Variants in AMN1 observed in about 807,000 individuals in gnomAD.
AMN1 encodes antagonist of mitotic exit network 1 homolog, also known as protein AMN1 homolog.
Under a neutral mutation model 33.0 loss-of-function variants are expected in AMN1, and 20 were observed. The ratio of observed to expected loss-of-function variants is 0.61; its 90% CI spans 0.43 to 0.88. The LOEUF (loss-of-function observed/expected upper bound fraction) is 0.88. Ranked by LOEUF, AMN1 falls within the 40% of genes least tolerant of loss-of-function variation. The pLI is 0.00. For missense variants in AMN1, 246 were observed against 307.4 expected (o/e 0.80, Z 1.49); for synonymous variants, 114 against 111.9 (o/e 1.02, Z -0.12).
At chr12:31,697,556 C>A in intron 4 of AMN1, 139 bp from the exon 5 acceptor site, 1 of 1,025,174 alleles carries the variant, frequency 9.8e-7, no homozygotes, top group Non-Finnish European at 1.5e-6. Flanking sequence ...ATACCTTTCA[C>A]CCTTGCTACT....
rs1938294994 is a variant in AMN1, at chr12:31,687,031, C to T, written c.703+1976G>A. ...TTCTTTTTTCTTTTTCTTTTTTTGACACAGGGTCTCACTCTGTTACCCAGA... is the reference window on the plus strand; with the variant it reads ...TTCTTTTTTCTTTTTCTTTTTTTGATACAGGGTCTCACTCTGTTACCCAGA... On this transcript the variant is annotated intron_variant, in intron 6 of 6. Coordinates refer to ENST00000281471, the MANE Select transcript of AMN1 (RefSeq NM_001113402.2). The surrounding 1 kb of genome is among the most constrained non-coding windows in gnomAD (Gnocchi z 4.1). Among the ~76,000 whole-genome samples the T allele has an allele frequency of 6.6e-6, 1 of 151,496 alleles. No individual in the cohort carries two copies. The highest frequency in any genetic ancestry group is 1.5e-5 in the Non-Finnish European group (1 of 67,922).
chr12:31,690,068 G>A (rs1938436023), intron 5 of AMN1, among the ~76,000 whole-genome samples: 1 of 152,066 alleles, frequency 6.6e-6, no homozygotes, highest in Non-Finnish European at 1.5e-5. Flanking sequence ...TCCCATCCAG[G>A]TTGCTGTGAA....
At chr12:31,681,237 A>AT (rs986081575) in intron 6 of AMN1, among the ~76,000 whole-genome samples, 8 of 151,440 alleles carry the variant, frequency 5.3e-5, no homozygotes, top group African/African-American at 7.3e-5. Context: ...ATTTTTATTT[A>AT]TTTTTTTTGA....
chr12:31,681,687 T>C (rs758186278), intron 6 of AMN1, among the ~76,000 whole-genome samples: 2 of 152,206 alleles, frequency 1.3e-5, no homozygotes, highest in Non-Finnish European at 2.9e-5. Context: ...CTTAAGATTT[T>C]AGTTTTAGTC....
chr12:31,673,431 C>A, intron 6 of AMN1: 1 of 163,894 alleles, frequency 6.1e-6, no homozygotes, highest in Non-Finnish European at 1.3e-5. Context: ...AAAAAAGCAG[C>A]TAGTAAGATA....
intron 2 of AMN1, among the ~76,000 whole-genome samples, chr12:31,702,732 A>ATTTTT (rs1177719922): frequency 6.6e-6 from 1 of 151,936 alleles, no homozygotes; most frequent in Non-Finnish European, 1.5e-5. Flanking sequence ...ACATTATATT[A>ATTTTT]TTTTTTATTT....
chr12:31,713,894 T>C (rs1939568237), intron 1 of AMN1, among the ~76,000 whole-genome samples: 1 of 152,096 alleles, frequency 6.6e-6, no homozygotes, highest in Non-Finnish European at 1.5e-5. Context: ...GCCACTTTTA[T>C]ATACTCGACT....
chr12:31,725,060 G>A (rs754250544), intron 1 of AMN1, among the ~76,000 whole-genome samples: 8 of 152,154 alleles, frequency 5.3e-5, no homozygotes, highest in Non-Finnish European at 8.8e-5. Flanking sequence ...GGATATAAAC[G>A]CCACCAGTTT....
chr12:31,684,232 G>A (rs1370629843), intron 6 of AMN1, among the ~76,000 whole-genome samples: 2 of 152,066 alleles, frequency 1.3e-5, no homozygotes, highest in African/African-American at 2.4e-5. Flanking sequence ...TCATTGATAT[G>A]TTTTCAAGTT....
At chr12:31,729,029 C>T (rs1940199540), upstream of AMN1, 3 of 1,538,472 alleles carry the variant, frequency 1.9e-6, no homozygotes, top group South Asian at 1.2e-5. Context: ...TCTGAAGCCT[C>T]TTCCGCGGTC....
At chr12:31,696,937 T>A (rs1174693268) in intron 5 of AMN1, among the ~76,000 whole-genome samples, 1 of 151,400 alleles carries the variant, frequency 6.6e-6, no homozygotes. Flanking sequence ...AAAAAAAAAC[T>A]TTTTTAAATG....
chr12:31,697,226 GAGAT>G (rs1273915477), intron 5 of AMN1, 131 bp downstream of exon 5: 4 of 581,782 alleles, frequency 6.9e-6, no homozygotes, highest in Non-Finnish European at 1.1e-5. Context: ...TGGCAATAAA[GAGAT>G]AGAACACCCA....
At chr12:31,679,186 G>T (rs1937883331) in intron 6 of AMN1, among the ~76,000 whole-genome samples, 1 of 151,856 alleles carries the variant, frequency 6.6e-6, no homozygotes, top group East Asian at 1.9e-4. Context: ...ATACTGTTTT[G>T]GCTCTTTGTG....
chr12:31,673,293 A>G (rs1951320120), intron 6 of AMN1, among the ~76,000 whole-genome samples: 1 of 152,044 alleles, frequency 6.6e-6, no homozygotes, highest in Non-Finnish European at 1.5e-5. Context: ...ATATACAGTG[A>G]CAAAATTTTA....
intron 6 of AMN1, among the ~76,000 whole-genome samples, chr12:31,681,768 G>A (rs933174420): frequency 6.6e-6 from 1 of 151,912 alleles, no homozygotes; most frequent in Non-Finnish European, 1.5e-5. Context: ...CAAACCCCTG[G>A]GGCCTCAAGC....
Position 31,672,095 on chromosome 12 carries a change from T to C in AMN1, c.*209A>G. 6.4e-6 allele frequency: 3 copies of C among 468,378 alleles called. No homozygotes were observed. Among genetic ancestry groups the C allele is most frequent in the South Asian group, 7.2e-5 (2 of 27,652 alleles). The allele number at this position is 468,378 out of a possible 1,614,324, so 29.0% of individuals were successfully genotyped here. A position where few individuals can be genotyped will look rare whatever the true frequency, so the allele number is the denominator to read the frequency against. ...AAAATAATGACTCATCCAACAGATA[T>C]AGAATAATAGCACTTTAAAGATGTT... On this transcript the variant is annotated 3_prime_UTR_variant, in exon 7 of 7. Transcript: ENST00000281471.
chr12:31,697,661 TATG>T, intron 4 of AMN1, 76 bp downstream of exon 4: 1 of 1,449,084 alleles, frequency 6.9e-7, no homozygotes, highest in Non-Finnish European at 9.6e-7. Flanking sequence ...ATGAACTCCT[TATG>T]ATATGTTCTC....
At chr12:31,677,165 T>C (rs1937756337) in intron 6 of AMN1, among the ~76,000 whole-genome samples, 1 of 152,118 alleles carries the variant, frequency 6.6e-6, no homozygotes, top group African/African-American at 2.4e-5. Context: ...CTGGGCGTAG[T>C]GGCGTGCACC....
Position 31,687,673 on chromosome 12 carries a change from C to T in AMN1, c.703+1334G>A, listed in dbSNP as rs1468400203. On this transcript the variant is annotated intron_variant, in intron 6 of 6. Coordinates refer to ENST00000281471, the MANE Select transcript of AMN1 (RefSeq NM_001113402.2). The surrounding 1 kb of genome is among the most constrained non-coding windows in gnomAD (Gnocchi z 4.1). ...ACTCCAGCCTCGGCGGGTGACAGAG[C>T]GAGATTCTGTCTCAAAAAAAAAAAA... Among the ~76,000 whole-genome samples the T allele has an allele frequency of 6.8e-6, 1 of 146,522 alleles. No homozygotes were observed. Among genetic ancestry groups the T allele is most frequent in the Non-Finnish European group, 1.5e-5 (1 of 67,294 alleles).
Sources: gnomAD v4.1 joint callset for allele counts (sites outside exome capture counted in the v4.1 genomes callset) on GRCh38, gnomAD v4.1.1 for gene constraint, Gnocchi (gnomAD v3.1) non-coding constraint, MANE v1.5 for transcripts, NCBI Gene and HGNC (gene_info 2026-07-23, HGNC 2026-07-21) for gene names.